The following KCNIP4 variants were observed in gnomAD, a reference collection of about 807,000 sequenced individuals.
KCNIP4 encodes Kv channel-interacting protein 4.
KCNIP4 carries 12 observed loss-of-function variants against 34.0 expected under a neutral mutation model. The ratio of observed to expected loss-of-function variants is 0.35; its 90% CI spans 0.23 to 0.57. KCNIP4 has a LOEUF of 0.57. Among genes scored for constraint, KCNIP4 ranks in the 20% least tolerant of loss-of-function variants. The pLI, the probability that KCNIP4 is intolerant of heterozygous loss-of-function variation, is 0.83. For missense variants in KCNIP4, 238 were observed against 311.7 expected, an observed-to-expected ratio of 0.76 and a Z score of 1.78; for synonymous variants, 124 against 102.2, an observed-to-expected ratio of 1.21 and a Z score of -1.29.
chr4:21,503,455 AT>A (rs1400886330), intron 1 of KCNIP4, among the ~76,000 whole-genome samples: 2 of 152,214 alleles, frequency 1.3e-5, no homozygotes, highest in Non-Finnish European at 2.9e-5. Context: ...TATAATAGCA[AT>A]TTCAACTGTA....
intron 1 of KCNIP4, among the ~76,000 whole-genome samples, chr4:21,628,190 A>G (rs1346348210): frequency 6.6e-6 from 1 of 152,084 alleles, no homozygotes. Flanking sequence ...CCCAATGGAT[A>G]TTTTACTTCC....
intron 1 of KCNIP4, among the ~76,000 whole-genome samples, chr4:21,194,614 G>A (rs895145957): frequency 6.6e-6 from 1 of 152,092 alleles, no homozygotes; most frequent in African/African-American, 2.4e-5. Context: ...CAGGGTAATC[G>A]GAATATAAGT....
chr4:21,372,379 T>TAGATAGAA (rs1317647729), intron 1 of KCNIP4, among the ~76,000 whole-genome samples: 1 of 146,528 alleles, frequency 6.8e-6, no homozygotes, highest in Non-Finnish European at 1.5e-5. Context: ...GATAGATAGA[T>TAGATAGAA]AGATAGATAG....
chr4:20,796,660 G>A lies in KCNIP4; in HGVS notation c.289-37770C>T, dbSNP rs373547093. On this transcript the variant is annotated intron_variant, in intron 3 of 8. Transcript: ENST00000382152. ...CTAAAAGAATCACTTTTGTTTTGAA[G>A]ACTCTAATTTGCAGAGTAAACAAAA... Among the ~76,000 whole-genome samples the A allele has an allele frequency of 3.4e-4, 50 of 145,948 alleles. No individual in the cohort carries two copies. The South Asian group carries it at 8.2e-3, about 24-fold the overall frequency.
At chr4:20,734,769 AT>A (rs765516855) in intron 5 of KCNIP4, 34 bp from the exon 6 acceptor site, 45 of 1,328,396 alleles carry the variant, frequency 3.4e-5, no homozygotes, top group Non-Finnish European at 4.4e-5. Context: ...TTTATATGAC[AT>A]TTTTAAAAAA....
At chr4:21,805,399 G>A (rs559143840) in intron 1 of KCNIP4, among the ~76,000 whole-genome samples, 20 of 152,192 alleles carry the variant, frequency 1.3e-4, no homozygotes, top group African/African-American at 4.8e-4. Context: ...CACTACCAGA[G>A]CACCACGAGA....
rs879570587 is a variant in KCNIP4, at chr4:21,533,551, A to T, written c.61+415020T>A. Among the ~76,000 whole-genome samples the T allele has an allele frequency of 7.7e-4, 118 of 152,272 alleles. 1 individual carries two copies. Among genetic ancestry groups the T allele is most frequent in the African/African-American group, 2.7e-3 (113 of 41,576 alleles). On this transcript the variant is annotated intron_variant, in intron 1 of 8. Transcript: ENST00000382152. ...ATTAAATAAGTCACAAGAAGGTATC[A>T]TGATCAAGGATACCTTTCTGGAGAA... is the stretch of plus-strand genomic sequence containing the variant.
At chr4:20,914,596 T>G (rs1728630722) in intron 1 of KCNIP4, among the ~76,000 whole-genome samples, 2 of 152,182 alleles carry the variant, frequency 1.3e-5, no homozygotes, top group African/African-American at 4.8e-5. Flanking sequence ...TAATTATAAT[T>G]ATTATTTGGT....
At chr4:21,088,514 A>G (rs1421520282) in intron 1 of KCNIP4, among the ~76,000 whole-genome samples, 5 of 152,120 alleles carry the variant, frequency 3.3e-5, no homozygotes, top group Admixed American at 2.6e-4. Flanking sequence ...TATGATATCA[A>G]TCTCTTCCAT....
At chr4:21,939,189 T>C (rs1283519608) in intron 1 of KCNIP4, among the ~76,000 whole-genome samples, 1 of 152,196 alleles carries the variant, frequency 6.6e-6, no homozygotes, top group Non-Finnish European at 1.5e-5. Context: ...TGGTGGACTT[T>C]TCATTCTCAC....
At chr4:21,800,279 G>A (rs1432500223) in intron 1 of KCNIP4, among the ~76,000 whole-genome samples, 3 of 152,082 alleles carry the variant, frequency 2.0e-5, no homozygotes, top group Admixed American at 6.5e-5. Context: ...CAGTTTTCAC[G>A]GTTGATTTTA....
intron 1 of KCNIP4, among the ~76,000 whole-genome samples, chr4:21,862,087 G>T (rs1725109242): frequency 6.6e-6 from 1 of 152,078 alleles, no homozygotes. Flanking sequence ...AAGTAGCCTG[G>T]ACCATACTCT....
intron 1 of KCNIP4, among the ~76,000 whole-genome samples, chr4:21,744,017 T>C (rs1407012077): frequency 6.6e-6 from 1 of 152,100 alleles, no homozygotes; most frequent in African/African-American, 2.4e-5. Flanking sequence ...ATAACCTTCC[T>C]GACAATCAAA....
At chr4:21,247,592 T>TATACAC (rs551818480) in intron 1 of KCNIP4, among the ~76,000 whole-genome samples, 9 of 144,296 alleles carry the variant, frequency 6.2e-5, no homozygotes, top group African/African-American at 2.3e-4. Context: ...TATATATATA[T>TATACAC]ACACCACAGA....
chr4:21,276,361 C>CTTTTT (rs3080866), intron 1 of KCNIP4, among the ~76,000 whole-genome samples: 3 of 129,230 alleles, frequency 2.3e-5, no homozygotes, highest in Non-Finnish European at 3.3e-5. Flanking sequence ...GAGATTTTCT[C>CTTTTT]TTTTTTTTTT....
At chr4:21,639,869 A>G (rs1041590055) in intron 1 of KCNIP4, among the ~76,000 whole-genome samples, 1 of 152,174 alleles carries the variant, frequency 6.6e-6, no homozygotes, top group African/African-American at 2.4e-5. Flanking sequence ...TGGACCCATT[A>G]ATCATATGAC....
At chr4:20,749,046 T>C (rs897845932) in intron 5 of KCNIP4, among the ~76,000 whole-genome samples, 1 of 151,698 alleles carries the variant, frequency 6.6e-6, no homozygotes, top group African/African-American at 2.4e-5. Flanking sequence ...TAATCCCAGC[T>C]ACTCAGGAGG....
rs770212958 is a variant in KCNIP4, at chr4:21,441,826, T to C, written c.61+506745A>G. 2.0e-4 allele frequency among the ~76,000 whole-genome samples: 31 copies of C among 152,352 alleles called. No individual in the cohort carries two copies. The East Asian group carries it at 5.8e-3, about 28-fold the overall frequency. ...ACAATTTCTTTCCTGTGGGAACATA[T>C]GACTCAAATATGCCTTTTATTTAGG... is the stretch of plus-strand genomic sequence containing the variant. On this transcript the variant is annotated intron_variant, in intron 1 of 8. Transcript: ENST00000382152.
At position 20,730,062 on chromosome 4, in the gene KCNIP4, T is replaced by G; in HGVS notation, c.*20A>C. ...GAATAGTTCACATTTGTCTGTTGGA[T>G]TCAGGATCTATTTGACAAGTTAAAT... is the stretch of plus-strand genomic sequence containing the variant. On this transcript the variant is annotated 3_prime_UTR_variant, in exon 9 of 9. Coordinates refer to ENST00000382152, the MANE Select transcript of KCNIP4 (RefSeq NM_025221.6). 6.2e-7 allele frequency: 1 copy of G among 1,604,458 alleles called. No individual in the cohort carries two copies. Among genetic ancestry groups the G allele is most frequent in the South Asian group, 1.1e-5 (1 of 89,160 alleles).
Sources: allele counts gnomAD v4.1 joint callset (sites outside exome capture counted in the v4.1 genomes callset), GRCh38; gene constraint gnomAD v4.1.1; transcripts MANE v1.5; gene names NCBI Gene and HGNC (gene_info 2026-07-23, HGNC 2026-07-21).